NPS: variants seen among roughly 807,000 people sequenced by gnomAD.
NPS encodes neuropeptide S, also known as prepro-neuropeptide S.
NPS carries 6 observed loss-of-function variants against 7.2 expected under a neutral mutation model. The observed-to-expected ratio is 0.83, with a 90% confidence interval of 0.46 to 1.64. NPS has a LOEUF of 1.64. NPS is among the 40% of genes most tolerant of loss of function. NPS has a pLI of 0.01. For missense variants in NPS, 123 were observed against 97.8 expected, an observed-to-expected ratio of 1.26 and a Z score of -1.09; for synonymous variants, 42 against 36.7, an observed-to-expected ratio of 1.14 and a Z score of -0.52.
At chr10:127,550,860 C>T (rs909073167) in intron 2 of NPS, among the ~76,000 whole-genome samples, 6 of 152,210 alleles carry the variant, frequency 3.9e-5, no homozygotes, top group Non-Finnish European at 5.9e-5. Context: ...GCGAACTTCA[C>T]TGAGTCCATT....
chr10:127,550,192 T>C (rs916808787), intron 2 of NPS, among the ~76,000 whole-genome samples: 1 of 152,172 alleles, frequency 6.6e-6, no homozygotes, highest in African/African-American at 2.4e-5. Flanking sequence ...ATTGACGGCA[T>C]TTTGAACTTG....
intron 2 of NPS, among the ~76,000 whole-genome samples, chr10:127,552,024 A>T (rs1386759830): frequency 1.3e-5 from 2 of 152,252 alleles, no homozygotes; most frequent in Non-Finnish European, 2.9e-5. Context: ...GTATCAAGAC[A>T]TCCTTATGGG....
chr10:127,549,604 A>G (rs781334529), intron 2 of NPS, 34 bp downstream of exon 2: 2 of 1,158,558 alleles, frequency 1.7e-6, no homozygotes, highest in Non-Finnish European at 2.6e-6. Flanking sequence ...ATATTTAAAT[A>G]GATGACTAGA....
intron 2 of NPS, among the ~76,000 whole-genome samples, chr10:127,550,704 C>T (rs1844849985): frequency 6.6e-6 from 1 of 152,084 alleles, no homozygotes; most frequent in African/African-American, 2.4e-5. Context: ...CTGCATTTTC[C>T]TTATTTCTAT....
In NPS at chr10:127,552,590, G is replaced by C. The variant is rs149068824; in HGVS notation, c.221G>C (p.Gly74Ala). The C allele has an allele frequency of 6.2e-7, 1 of 1,613,834 alleles. No homozygotes were observed. The highest frequency in any genetic ancestry group is 2.2e-5 in the East Asian group (1 of 44,862). Reference sequence around the variant, plus strand: ...TTTGTGAAAAGGTCCTTTCGCAATGGAGTTGGCACAGGGATGAAAAAAACT... The same window carrying C: ...TTTGTGAAAAGGTCCTTTCGCAATGCAGTTGGCACAGGGATGAAAAAAACT... ...KMFVKRSFRN[G>A]VGTGMKKTSF... Residue 74 changes from glycine (G) to alanine (A), a missense_variant, in exon 3 of 3, where the codon GGA (glycine) becomes GCA (alanine). Coordinates refer to ENST00000398023, the MANE Select transcript of NPS (RefSeq NM_001030013.2).
At position 127,553,466 on chromosome 10, in the gene NPS, C is replaced by CT. The variant is rs972032884; in HGVS notation, c.*833dup. 3.9e-5 allele frequency among the ~76,000 whole-genome samples: 6 copies of CT among 152,054 alleles called. No individual in the cohort carries two copies. The highest frequency in any genetic ancestry group is 1.4e-4 in the African/African-American group (6 of 41,390). ...CTTTGCACTGAAACTCCTGACACTC[C>CT]TTTTTTAAAAGGATAATGCGACATT... On this transcript the variant is annotated 3_prime_UTR_variant, in exon 3 of 3. Transcript: ENST00000398023.
chr10:127,550,046 C>T (rs1366566961), intron 2 of NPS, among the ~76,000 whole-genome samples: 1 of 152,032 alleles, frequency 6.6e-6, no homozygotes, highest in African/African-American at 2.4e-5. Flanking sequence ...ATTGATTGAA[C>T]TCCTACGTTC....
chr10:127,549,471 T>C lies in NPS; in HGVS notation c.9-18T>C, dbSNP rs1426886971. 2 of 1,598,492 alleles carry C rather than the reference T, an allele frequency of 1.3e-6. No individual in the cohort carries two copies. Among genetic ancestry groups the C allele is most frequent in the Non-Finnish European group, 1.7e-6 (2 of 1,166,100 alleles). On this transcript the variant is annotated intron_variant, in intron 1 of 2. Transcript: ENST00000398023. ...ACTTGAGACTAAATCTTGATTGTAC[T>C]TTTTTTCTACTTTGCAGCTCAGTAA...
rs768147268 is a variant in NPS at position 127,552,689 on chromosome 10, G to A, written c.*50G>A. On this transcript the variant is annotated 3_prime_UTR_variant, in exon 3 of 3. Coordinates refer to ENST00000398023, the MANE Select transcript of NPS (RefSeq NM_001030013.2). Reference sequence around the variant, plus strand: ...ATTAATCTAACTGTAGAGTGTGACTGACGTACTCAAAGTCCATCGTCTCTT... The same window carrying A: ...ATTAATCTAACTGTAGAGTGTGACTAACGTACTCAAAGTCCATCGTCTCTT... The A allele has an allele frequency of 3.8e-5, 47 of 1,234,476 alleles. No homozygotes were observed. The highest frequency in any genetic ancestry group is 5.0e-5 in the Non-Finnish European group (42 of 846,900). 76.5% of individuals were successfully genotyped at this position (1,234,476 alleles called of 1,614,324 possible).
Position 127,552,710 on chromosome 10 carries a change from CTCTT to C in NPS, c.*73_*76del. ...GACTGACGTACTCAAAGTCCATCGT[CTCTT>C]TATCATTGAGTGTTGGCATGCTCTC... On this transcript the variant is annotated 3_prime_UTR_variant, in exon 3 of 3. Coordinates refer to ENST00000398023, the MANE Select transcript of NPS (RefSeq NM_001030013.2). The C allele has an allele frequency of 1.0e-6, 1 of 991,728 alleles. No homozygotes were observed. Among genetic ancestry groups the C allele is most frequent in the Middle Eastern group, 2.1e-4 (1 of 4,736 alleles). The allele number at this position is 991,728 out of a possible 1,614,324, so 61.4% of individuals were successfully genotyped here.
At chr10:127,550,676 GA>G (rs1379187946) in intron 2 of NPS, among the ~76,000 whole-genome samples, 1 of 152,156 alleles carries the variant, frequency 6.6e-6, no homozygotes, top group East Asian at 1.9e-4. Context: ...GTCCATAAAT[GA>G]AATGTTTCTC....
intron 2 of NPS, among the ~76,000 whole-genome samples, chr10:127,551,627 C>A (rs1276498136): frequency 6.6e-6 from 1 of 152,138 alleles, no homozygotes; most frequent in Non-Finnish European, 1.5e-5. Flanking sequence ...ATAATGCAAG[C>A]AGCACACAGA....
chr10:127,552,596 G>A lies in NPS; in HGVS notation c.227G>A (p.Gly76Asp). 6.2e-7 allele frequency: 1 copy of A among 1,613,534 alleles called. No individual in the cohort carries two copies. Among genetic ancestry groups the A allele is most frequent in the Non-Finnish European group, 8.5e-7 (1 of 1,179,614 alleles). The part of the protein sequence containing the change: ...FVKRSFRNGV[G>D]TGMKKTSFQR... Reference sequence around the variant, plus strand: ...AAAAGGTCCTTTCGCAATGGAGTTGGCACAGGGATGAAAAAAACTTCCTTT... The same window carrying A: ...AAAAGGTCCTTTCGCAATGGAGTTGACACAGGGATGAAAAAAACTTCCTTT... The change falls in exon 3 of 3, where the codon GGC becomes GAC. Residue 76 changes from glycine to aspartate, a missense_variant. By Grantham distance (94) the Gly-to-Asp change is moderately conservative. Coordinates refer to ENST00000398023, the MANE Select transcript of NPS (RefSeq NM_001030013.2).
rs1844877416 is a variant in NPS at position 127,553,472 on chromosome 10, TA to T, written c.*837del. Reference sequence around the variant, plus strand: ...ACTGAAACTCCTGACACTCCTTTTTTAAAAGGATAATGCGACATTGGTTGAC... The same window carrying T: ...ACTGAAACTCCTGACACTCCTTTTTTAAAGGATAATGCGACATTGGTTGAC... On this transcript the variant is annotated 3_prime_UTR_variant, in exon 3 of 3. Transcript: ENST00000398023. 6.6e-6 allele frequency among the ~76,000 whole-genome samples: 1 copy of T among 152,156 alleles called. No individual in the cohort carries two copies. The highest frequency in any genetic ancestry group is 1.5e-5 in the Non-Finnish European group (1 of 68,028).
intron 2 of NPS, among the ~76,000 whole-genome samples, chr10:127,552,228 C>T (rs189970757): frequency 4.1e-4 from 63 of 152,134 alleles, no homozygotes; most frequent in South Asian, 1.7e-3. Flanking sequence ...GATGTAAATA[C>T]GGAATAGCAG....
Position 127,552,707 on chromosome 10 carries a change from C to T in NPS, c.*68C>T, listed in dbSNP as rs547553721. On this transcript the variant is annotated 3_prime_UTR_variant, in exon 3 of 3. Transcript: ENST00000398023. ...TGTGACTGACGTACTCAAAGTCCAT[C>T]GTCTCTTTATCATTGAGTGTTGGCA... 1,021 of 1,020,954 alleles carry T rather than the reference C, an allele frequency of 1.0e-3. 2 individuals carry two copies. Among genetic ancestry groups the T allele is most frequent in the Admixed American group, 3.5e-3 (186 of 53,718 alleles). The allele number at this position is 1,020,954 out of a possible 1,614,324, so 63.2% of individuals were successfully genotyped here.
chr10:127,552,773 C>A lies in NPS; in HGVS notation c.*134C>A. The A allele has an allele frequency of 1.7e-6, 1 of 578,306 alleles. No homozygotes were observed. Among genetic ancestry groups the A allele is most frequent in the Non-Finnish European group, 3.0e-6 (1 of 333,708 alleles). The allele number at this position is 578,306 out of a possible 1,614,324, so 35.8% of individuals were successfully genotyped here. A position where few individuals can be genotyped will look rare whatever the true frequency, so the allele number is the denominator to read the frequency against. Reference sequence around the variant, plus strand: ...AATATCTTTCCTCTCCTGACTGGTACAGAGTAAATTGAGTAAAAAAAGAAA... The same window carrying A: ...AATATCTTTCCTCTCCTGACTGGTAAAGAGTAAATTGAGTAAAAAAAGAAA... On this transcript the variant is annotated 3_prime_UTR_variant, in exon 3 of 3. Transcript: ENST00000398023.
chr10:127,549,635 C>A, intron 2 of NPS, 65 bp downstream of exon 2: 1 of 951,574 alleles, frequency 1.1e-6, no homozygotes. Context: ...ATGTAAATTC[C>A]AAATACTTTC....
Position 127,549,380 on chromosome 10 carries a change from A to G in NPS, c.8+4A>G. Reference sequence around the variant, plus strand: ...TTGGGAAGTCCAAAATGATTAGGTAAAAGGCTACGTTTTTCTGCAAAGAAA... The same window carrying G: ...TTGGGAAGTCCAAAATGATTAGGTAGAAGGCTACGTTTTTCTGCAAAGAAA... On this transcript the variant is annotated splice_donor_region_variant and intron_variant, in intron 1 of 2. Coordinates refer to ENST00000398023, the MANE Select transcript of NPS (RefSeq NM_001030013.2). 1 of 1,610,146 alleles carries G rather than the reference A, an allele frequency of 6.2e-7. No individual in the cohort carries two copies. The highest frequency in any genetic ancestry group is 8.5e-7 in the Non-Finnish European group (1 of 1,176,810).
Sources: allele counts gnomAD v4.1 joint callset (sites outside exome capture counted in the v4.1 genomes callset), GRCh38; gene constraint gnomAD v4.1.1; transcripts MANE v1.5; gene names NCBI Gene and HGNC (gene_info 2026-07-23, HGNC 2026-07-21).